The following ARMCX4 variants were observed in gnomAD, a reference collection of about 807,000 sequenced individuals.
ARMCX4 encodes the protein armadillo repeat containing X-linked 4.
In ARMCX4, 3 loss-of-function variants were observed where a neutral mutation model predicts 34.7. The observed-to-expected ratio is 0.09, with a 90% CI of 0.04 to 0.22. The LOEUF (loss-of-function observed/expected upper bound fraction) is 0.22. Ranked by LOEUF, ARMCX4 falls within the 10% of genes least tolerant of loss-of-function variation. The pLI, the probability that ARMCX4 is intolerant of heterozygous loss-of-function variation, is 1.00. For missense variants in ARMCX4, 1,448 were observed against 1,720.8 expected (o/e 0.84, Z 2.81); for synonymous variants, 513 against 632.8 (o/e 0.81, Z 2.84).
chrX:101,459,435 T>G (rs1935666073), intron 4 of ARMCX4, among the ~76,000 whole-genome samples: 1 of 111,858 alleles, frequency 8.9e-6, no homozygotes, highest in South Asian at 3.8e-4. Flanking sequence ...ATTTCATTTC[T>G]TGCTTATATT....
chrX:101,443,276 G>A (rs1188092661), intron 2 of ARMCX4, among the ~76,000 whole-genome samples: 1 of 110,964 alleles, frequency 9.0e-6, no homozygotes, highest in African/African-American at 3.3e-5. Flanking sequence ...CAAGGTTGAA[G>A]GGAGCACTCT....
intron 11 of ARMCX4, among the ~76,000 whole-genome samples, chrX:101,524,723 C>T (rs372727192): frequency 8.5e-4 from 95 of 111,222 alleles, no homozygotes; most frequent in East Asian, 2.3e-3. Context: ...TGCAGCAGTC[C>T]GAGAGCAACT....
At chrX:101,464,681 G>C (rs189134118) in intron 4 of ARMCX4, among the ~76,000 whole-genome samples, 1 of 111,834 alleles carries the variant, frequency 8.9e-6, no homozygotes, top group Non-Finnish European at 1.9e-5. Flanking sequence ...GATTTCTAGA[G>C]CTCAGGATAT....
chrX:101,420,231 C>T (rs1485911152), intron 2 of ARMCX4, among the ~76,000 whole-genome samples: 3 of 111,391 alleles, frequency 2.7e-5, no homozygotes, highest in African/African-American at 9.8e-5. Flanking sequence ...TGGTGGTGTG[C>T]GCCTGTAATC....
Position 101,421,688 on chromosome X carries a change from G to A in ARMCX4, n.164+2688G>A, listed in dbSNP as rs372127079. Among the ~76,000 whole-genome samples, 16 of 110,623 alleles carry A rather than the reference G, an allele frequency of 1.4e-4. 3 individuals carry two copies. The highest frequency in any genetic ancestry group is 1.4e-3 in the East Asian group (5 of 3,513). ...GGGAGGAAGGCTAGATCATGACATGGCAGAAGACAGAAAGAAGGGCCAAGA... is the reference window on the plus strand; with the variant it reads ...GGGAGGAAGGCTAGATCATGACATGACAGAAGACAGAAAGAAGGGCCAAGA... On this transcript the variant is annotated intron_variant and non_coding_transcript_variant, in intron 2 of 3. Coordinates refer to the ARMCX4 transcript ENST00000430461.
intron 4 of ARMCX4, among the ~76,000 whole-genome samples, chrX:101,478,971 TACAC>T (rs1239643971): frequency 1.8e-5 from 2 of 110,892 alleles, no homozygotes; most frequent in South Asian, 3.7e-4. Flanking sequence ...TGTATATACA[TACAC>T]ACACACATAT....
chrX:101,522,404 A>T (rs1934873660), intron 11 of ARMCX4, among the ~76,000 whole-genome samples: 1 of 111,929 alleles, frequency 8.9e-6, no homozygotes, highest in Non-Finnish European at 1.9e-5. Context: ...TCTCTTATAG[A>T]CAGCATATGG....
intron 2 of ARMCX4, among the ~76,000 whole-genome samples, chrX:101,432,389 G>A (rs994852020): frequency 7.2e-5 from 8 of 111,692 alleles, no homozygotes; most frequent in South Asian, 3.7e-4. Context: ...AGGGCTGGGC[G>A]CGGTGGCTCA....
chrX:101,433,505 G>C (rs1335469232), intron 2 of ARMCX4, among the ~76,000 whole-genome samples: 2 of 111,405 alleles, frequency 1.8e-5, no homozygotes, highest in Admixed American at 1.9e-4. Context: ...TTTGGGAAAA[G>C]TACTTAATTT....
intron 11 of ARMCX4, among the ~76,000 whole-genome samples, chrX:101,520,984 T>G (rs2147714902): frequency 9.5e-6 from 1 of 105,349 alleles, no homozygotes; most frequent in South Asian, 4.5e-4. Context: ...CTGATTGGAG[T>G]GCAATGATGA....
At chrX:101,535,178 G>T (rs1324689887), downstream of ARMCX4, among the ~76,000 whole-genome samples, 2 of 111,168 alleles carry the variant, frequency 1.8e-5, no homozygotes, top group East Asian at 5.6e-4. Flanking sequence ...GCTTTAAATT[G>T]TGGGTAATAA....
intron 11 of ARMCX4, among the ~76,000 whole-genome samples, chrX:101,522,141 A>C (rs1242406927): frequency 9.0e-6 from 1 of 111,393 alleles, no homozygotes; most frequent in Non-Finnish European, 1.9e-5. Context: ...ATATTTTTCC[A>C]ATTCTGTCTA....
At chrX:101,429,315 C>T (rs1929837094) in intron 2 of ARMCX4, among the ~76,000 whole-genome samples, 1 of 104,401 alleles carries the variant, frequency 9.6e-6, no homozygotes. Context: ...TATAATAATG[C>T]CTACCTCCTA....
intron 4 of ARMCX4, among the ~76,000 whole-genome samples, chrX:101,475,178 G>A (rs1556003985): frequency 9.1e-6 from 1 of 109,744 alleles, no homozygotes; most frequent in African/African-American, 3.3e-5. Flanking sequence ...AGCTGCGTGT[G>A]GTGGTGCATG....
upstream of ARMCX4, among the ~76,000 whole-genome samples, chrX:101,482,743 G>C (rs782552503): frequency 9.0e-6 from 1 of 110,804 alleles, no homozygotes; most frequent in South Asian, 3.8e-4. Flanking sequence ...TGTGGGATTT[G>C]TATGTAAAGT....
intron 4 of ARMCX4, among the ~76,000 whole-genome samples, chrX:101,474,852 C>G (rs1239916165): frequency 1.0e-5 from 1 of 100,115 alleles, no homozygotes; most frequent in African/African-American, 3.6e-5. Context: ...CAGCCAATAT[C>G]ATACTGAATG....
In ARMCX4 at chrX:101,495,644, A is replaced by G. The variant is rs782268559; in HGVS notation, c.*182A>G. On this transcript the variant is annotated 3_prime_UTR_variant, in exon 6 of 6. Transcript: ENST00000423738. The stretch of plus-strand genomic sequence containing the variant: ...ACTAAAAATACATGTGTTGATTTTT[A>G]TCTTGTCTGGATTGAGATATTTTTA... 1 of 396,892 alleles carries G rather than the reference A, an allele frequency of 2.5e-6. No homozygotes were observed. Among genetic ancestry groups the G allele is most frequent in the Non-Finnish European group, 4.1e-6 (1 of 246,054 alleles). The allele number at this position is 396,892 out of a possible 1,213,427, so 32.7% of individuals were successfully genotyped here. A position where few individuals can be genotyped will look rare whatever the true frequency, so the allele number is the denominator to read the frequency against.
chrX:101,445,901 T>G (rs1323356069), intron 3 of ARMCX4: 3 of 111,543 alleles, frequency 2.7e-5, no homozygotes, highest in African/African-American at 6.5e-5. Flanking sequence ...CCCATGCAGA[T>G]TCCCTTGCTT....
At chrX:101,520,867 G>A (rs962328819) in intron 11 of ARMCX4, among the ~76,000 whole-genome samples, 37 of 104,141 alleles carry the variant, frequency 3.6e-4, no homozygotes, top group Admixed American at 9.6e-4. Context: ...CAGTGAAGCC[G>A]TTTGGTCCTG....
Sources: gnomAD v4.1 joint callset for allele counts (sites outside exome capture counted in the v4.1 genomes callset) on GRCh38, gnomAD v4.1.1 for gene constraint, MANE v1.5 for transcripts, NCBI Gene and HGNC (gene_info 2026-07-23, HGNC 2026-07-21) for gene names.